The following GET1 variants were observed in gnomAD, a reference collection of about 807,000 sequenced individuals.
The protein encoded by GET1 is congenital heart disease 5 protein.
In GET1, 20 loss-of-function variants were observed where a neutral mutation model predicts 22.6. That is an observed-to-expected ratio of 0.89 (90% CI 0.62 to 1.29). The LOEUF (loss-of-function observed/expected upper bound fraction) is 1.29, where lower values mean the gene tolerates loss of function less well. GET1 is among the 50% of genes most tolerant of loss of function. GET1 has a pLI of 0.00. For missense variants in GET1, 209 were observed against 219.9 expected (o/e 0.95, Z 0.31); for synonymous variants, 92 against 83.8 (o/e 1.10, Z -0.53).
chr21:39,413,673 A>G (rs1393014813), intron 1 of GET1, among the ~76,000 whole-genome samples: 1 of 152,234 alleles, frequency 6.6e-6, no homozygotes, highest in East Asian at 1.9e-4. Flanking sequence ...AAAGAACAGT[A>G]AATGCTGACA....
intron 4 of GET1, among the ~76,000 whole-genome samples, chr21:39,394,482 CCCA>C (rs2038510664): frequency 1.3e-5 from 2 of 152,266 alleles, no homozygotes; most frequent in African/African-American, 4.8e-5. Context: ...TAAGCCTATT[CCCA>C]CATGTTTTAG....
rs1569026365 is a variant in GET1 at position 39,380,450 on chromosome 21, T to C, written c.66T>C (p.Asn22=). 1.9e-6 allele frequency: 3 copies of C among 1,613,366 alleles called. No individual in the cohort carries two copies. The highest frequency in any genetic ancestry group is 2.5e-6 in the Non-Finnish European group (3 of 1,179,728). Residue 22 remains asparagine (N), a synonymous_variant, in exon 1 of 5, where the codon AAT becomes AAC. Transcript: ENST00000649170. ...LLVLSFVFGC[N]VLRILLPSFS... ...TGCTCAGCTTCGTGTTTGGATGCAA[T>C]GTTCTTAGGATCCTCCTCCCGTCCT...
At chr21:39,423,513 T>G in intron 1 of GET1, 1 of 1,520,598 alleles carries the variant, frequency 6.6e-7, no homozygotes, top group Non-Finnish European at 8.7e-7. Flanking sequence ...AAAATCCAGT[T>G]TATTACTAGT....
chr21:39,403,992 C>G (rs1235836779), intron 4 of GET1, among the ~76,000 whole-genome samples: 1 of 152,092 alleles, frequency 6.6e-6, no homozygotes, highest in East Asian at 1.9e-4. Flanking sequence ...GTGGCACGAT[C>G]CTGGCTCACT....
intron 4 of GET1, among the ~76,000 whole-genome samples, chr21:39,403,573 C>T (rs12053751): frequency 0.46 from 68,806 of 151,002 alleles, 17,776 homozygotes; most frequent in African/African-American, 0.71. Flanking sequence ...CCGCCCGCCT[C>T]GGCCTCCCAA....
chr21:39,421,705 C>A (rs2073798839), intron 1 of GET1: 1 of 152,096 alleles, frequency 6.6e-6, no homozygotes, highest in Admixed American at 6.6e-5. Context: ...CTTTCCCAAA[C>A]AGGAAAAGTG....
chr21:39,391,924 G>A (rs191903626), intron 3 of GET1, 88 bp downstream of exon 3: 238 of 1,314,384 alleles, frequency 1.8e-4, no homozygotes, highest in Non-Finnish European at 2.3e-4. Flanking sequence ...CTGGGAGTTC[G>A]GGCTGTTCCA....
rs201595539 is a variant in GET1 at position 39,420,811 on chromosome 21, T to C, written c.*24-7421T>C. 137 of 1,613,008 alleles carry C rather than the reference T, an allele frequency of 8.5e-5. 1 individual carries two copies. The East Asian group carries it at 3.0e-3, about 35-fold the overall frequency. On this transcript the variant is annotated intron_variant, in intron 1 of 1. Transcript: ENST00000478273. ...CAATAGCCAGCTGCCGGCTAAAGGC[T>C]CTGCAGTTCAACCTCAGTTGTTTTT... is the stretch of plus-strand genomic sequence containing the variant.
chr21:39,415,376 T>TA (rs2040951663), intron 1 of GET1, among the ~76,000 whole-genome samples: 2 of 152,094 alleles, frequency 1.3e-5, no homozygotes, highest in East Asian at 3.9e-4. Flanking sequence ...TTAAAATATA[T>TA]AAAAAAATAA....
At position 39,419,934 on chromosome 21, in the gene GET1, T is replaced by C. The variant is rs57883736; in HGVS notation, c.*24-8298T>C. On this transcript the variant is annotated intron_variant, in intron 1 of 1. Coordinates refer to the GET1 transcript ENST00000478273. ...AGCAGTATACATATTTTTAAGACAG[T>C]TTTTCAAACACATTTTTAAGTAAAA... 2.8e-3 allele frequency among the ~76,000 whole-genome samples: 426 copies of C among 152,308 alleles called. 1 individual carries two copies. Among genetic ancestry groups the C allele is most frequent in the African/African-American group, 9.9e-3 (411 of 41,576 alleles).
At chr21:39,384,020 C>G (rs893506028) in intron 1 of GET1, among the ~76,000 whole-genome samples, 1 of 149,770 alleles carries the variant, frequency 6.7e-6, no homozygotes, top group Non-Finnish European at 1.5e-5. Flanking sequence ...GGATTACAGG[C>G]GTGAGCCACC....
At chr21:39,388,227 G>C (rs1251633486) in intron 1 of GET1, among the ~76,000 whole-genome samples, 7 of 152,142 alleles carry the variant, frequency 4.6e-5, no homozygotes, top group Admixed American at 4.6e-4. Context: ...AATTAGTCGA[G>C]TGTGGTGGTG....
intron 3 of GET1, chr21:39,392,916 C>T (rs893300244): frequency 9.5e-6 from 4 of 422,628 alleles, no homozygotes; most frequent in Non-Finnish European, 1.7e-5. Context: ...GAAGGCTCGC[C>T]TACTTGTTGG....
At chr21:39,381,232 G>A (rs1277041018) in intron 1 of GET1, among the ~76,000 whole-genome samples, 7 of 152,126 alleles carry the variant, frequency 4.6e-5, no homozygotes, top group Admixed American at 4.6e-4. Flanking sequence ...GGTGGGGTGT[G>A]GCCATGGAAG....
intron 1 of GET1, among the ~76,000 whole-genome samples, chr21:39,416,352 C>T (rs1161648673): frequency 6.6e-6 from 1 of 152,154 alleles, no homozygotes; most frequent in Non-Finnish European, 1.5e-5. Context: ...TCAAATATCC[C>T]CATCTTTGGC....
chr21:39,411,760 G>A (rs758684261), intron 1 of GET1: 1 of 1,586,776 alleles, frequency 6.3e-7, no homozygotes, highest in South Asian at 1.2e-5. Flanking sequence ...TTAAGTATTC[G>A]ATGACTATAG....
chr21:39,423,546 T>C (rs911202902), intron 1 of GET1: 41 of 1,417,188 alleles, frequency 2.9e-5, no homozygotes, highest in Non-Finnish European at 3.6e-5. Flanking sequence ...TATGCAAATA[T>C]GCACATATGC....
At chr21:39,391,720 G>C (rs752127984) in intron 2 of GET1, 49 bp from the exon 3 acceptor site, 1 of 1,558,534 alleles carries the variant, frequency 6.4e-7, no homozygotes, top group South Asian at 1.1e-5. Flanking sequence ...TGAATATTTT[G>C]TTAATTTTTC....
chr21:39,390,942 C>T (rs2146967170), intron 2 of GET1, 79 bp downstream of exon 2: 1 of 1,493,456 alleles, frequency 6.7e-7, no homozygotes, highest in Non-Finnish European at 9.1e-7. Flanking sequence ...TAGTAGAATA[C>T]ATACTTTGCT....
Sources: gnomAD v4.1 joint callset for allele counts (sites outside exome capture counted in the v4.1 genomes callset) on GRCh38, gnomAD v4.1.1 for gene constraint, MANE v1.5 for transcripts, NCBI Gene and HGNC (gene_info 2026-07-23, HGNC 2026-07-21) for gene names.